Variants in LOXL2 observed in about 807,000 individuals in gnomAD.
The protein encoded by LOXL2 is lysyl oxidase homolog 2.
In LOXL2, 70 loss-of-function variants were observed where a neutral mutation model predicts 93.0. That is an observed-to-expected ratio of 0.75 (90% CI 0.62 to 0.92). The LOEUF is 0.92. LOXL2 is among the 40% of genes least tolerant of loss of function. LOXL2 has a pLI of 0.00. For missense variants in LOXL2, 973 were observed against 1,054.9 expected (o/e 0.92, Z 1.08); for synonymous variants, 438 against 413.2 (o/e 1.06, Z -0.73).
At chr8:23,381,734 G>C (rs1335957356) in intron 1 of LOXL2, among the ~76,000 whole-genome samples, 4 of 152,212 alleles carry the variant, frequency 2.6e-5, no homozygotes, top group African/African-American at 9.7e-5. Flanking sequence ...AGGAAACACT[G>C]CCAGGCTTTC....
intron 1 of LOXL2, among the ~76,000 whole-genome samples, chr8:23,381,442 C>T (rs1804679286): frequency 6.6e-6 from 1 of 152,190 alleles, no homozygotes; most frequent in Admixed American, 6.5e-5. Context: ...CCTCCACCAG[C>T]AGTATGTAGG....
chr8:23,402,971 G>A (rs1000506539), intron 1 of LOXL2, among the ~76,000 whole-genome samples: 3 of 151,880 alleles, frequency 2.0e-5, no homozygotes, highest in African/African-American at 4.8e-5. Flanking sequence ...CCCTCGCCCC[G>A]CTCCGCCCCG....
At chr8:23,392,925 A>G (rs2117237410) in intron 1 of LOXL2, among the ~76,000 whole-genome samples, 1 of 152,366 alleles carries the variant, frequency 6.6e-6, no homozygotes, top group South Asian at 2.1e-4. Flanking sequence ...TCACAATGAA[A>G]AATTCAAAAT....
At chr8:23,334,155 C>T (rs992055151) in intron 4 of LOXL2, among the ~76,000 whole-genome samples, 3 of 152,218 alleles carry the variant, frequency 2.0e-5, no homozygotes, top group African/African-American at 7.2e-5. Flanking sequence ...TCTGCAGCCT[C>T]AGCCTCCTGA....
At position 23,318,462 on chromosome 8, in the gene LOXL2, A is replaced by AC. The variant is rs1563188784; in HGVS notation, c.1471-1349_1471-1348insG. On this transcript the variant is annotated intron_variant, in intron 8 of 13. Coordinates refer to ENST00000389131, the MANE Select transcript of LOXL2 (RefSeq NM_002318.3). ...ACACACACACACACACACACACACA[A>AC]AAATACACATTCATACAACCTACTG... Among the ~76,000 whole-genome samples the AC allele has an allele frequency of 4.2e-3, 454 of 108,324 alleles. 2 individuals carry two copies. The highest frequency in any genetic ancestry group is 0.016 in the African/African-American group (331 of 20,572). 71.1% of individuals were successfully genotyped at this position (108,324 alleles called of 152,430 possible). A position where few individuals can be genotyped will look rare whatever the true frequency, so the allele number is the denominator to read the frequency against.
chr8:23,309,187 G>A (rs528711221), intron 10 of LOXL2, among the ~76,000 whole-genome samples: 131 of 152,142 alleles, frequency 8.6e-4, no homozygotes, highest in African/African-American at 3.1e-3. Flanking sequence ...GTTTCACCGT[G>A]TTAGCCAGAA....
intron 5 of LOXL2, 143 bp from the exon 6 acceptor site, chr8:23,328,708 G>GTTGTGTGTGTGT: frequency 4.7e-6 from 2 of 422,722 alleles, no homozygotes; most frequent in Non-Finnish European, 8.4e-6. Context: ...TTGATGTATG[G>GTTGTGTGTGTGT]ATGTGTGTGT....
chr8:23,319,885 C>G lies in LOXL2; in HGVS notation c.1470G>C (p.Gln490His). 1 of 1,613,168 alleles carries G rather than the reference C, an allele frequency of 6.2e-7. No individual in the cohort carries two copies. The highest frequency in any genetic ancestry group is 8.5e-7 in the Non-Finnish European group (1 of 1,179,810). Residue 490 changes from glutamine to histidine, a missense_variant and splice_region_variant, in exon 8 of 14, where the codon CAG (glutamine) becomes CAC (histidine). By Grantham distance (24) the Gln-to-His change is conservative. Coordinates refer to ENST00000389131, the MANE Select transcript of LOXL2 (RefSeq NM_002318.3). ...LGLGFASNAFQETWYWHGDVN... is the reference protein window; with the variant it reads ...LGLGFASNAFHETWYWHGDVN... ...GGGGTCTGAGGCCGGGGCTTCTCACCTGGAAGGCGTTGCTGGCGAATCCCA... is the reference window on the plus strand; with the variant it reads ...GGGGTCTGAGGCCGGGGCTTCTCACGTGGAAGGCGTTGCTGGCGAATCCCA...
chr8:23,380,209 A>G (rs890080025), intron 1 of LOXL2, among the ~76,000 whole-genome samples: 1 of 152,086 alleles, frequency 6.6e-6, no homozygotes, highest in African/African-American at 2.4e-5. Flanking sequence ...CCTGGCCAAC[A>G]TGGTGAAACT....
intron 3 of LOXL2, among the ~76,000 whole-genome samples, chr8:23,357,345 C>T (rs910085534): frequency 1.3e-5 from 2 of 152,152 alleles, no homozygotes; most frequent in East Asian, 1.9e-4. Flanking sequence ...CTGGGAATTA[C>T]GGGCATGAGC....
At chr8:23,382,957 A>G (rs1804701612) in intron 1 of LOXL2, among the ~76,000 whole-genome samples, 1 of 151,510 alleles carries the variant, frequency 6.6e-6, no homozygotes, top group Non-Finnish European at 1.5e-5. Context: ...CCTCAATTCC[A>G]TGTGTGTTTA....
At position 23,389,202 on chromosome 8, in the gene LOXL2, T is replaced by G. The variant is rs187735907; in HGVS notation, c.-84+14752A>C. 1.1e-3 allele frequency among the ~76,000 whole-genome samples: 165 copies of G among 152,132 alleles called. 1 individual carries two copies. Among genetic ancestry groups the G allele is most frequent in the Middle Eastern group, 6.8e-3 (2 of 294 alleles). ...TGTAAAACTGGCCTTTCTAGGGTCCTTTTCTTAGTGTCCTTTTCTTAGGCT... is the reference window on the plus strand; with the variant it reads ...TGTAAAACTGGCCTTTCTAGGGTCCGTTTCTTAGTGTCCTTTTCTTAGGCT... On this transcript the variant is annotated intron_variant, in intron 1 of 13. Coordinates refer to ENST00000389131, the MANE Select transcript of LOXL2 (RefSeq NM_002318.3).
At chr8:23,353,817 T>C (rs1485758300) in intron 3 of LOXL2, among the ~76,000 whole-genome samples, 1 of 152,210 alleles carries the variant, frequency 6.6e-6, no homozygotes, top group East Asian at 1.9e-4. Flanking sequence ...GAAGAAACCA[T>C]TGCCACTGAA....
intron 2 of LOXL2, among the ~76,000 whole-genome samples, chr8:23,361,874 A>G (rs1015986374): frequency 2.0e-5 from 3 of 151,962 alleles, no homozygotes; most frequent in African/African-American, 4.8e-5. Flanking sequence ...CAAACAAAAA[A>G]AACAGAAAAT....
chr8:23,360,065 G>A, intron 3 of LOXL2, 25 bp downstream of exon 3: 1 of 1,576,714 alleles, frequency 6.3e-7, no homozygotes, highest in African/African-American at 1.3e-5. Context: ...TTGCATGAAG[G>A]AAACATCAAG....
chr8:23,314,650 C>T (rs1448728321), intron 9 of LOXL2, among the ~76,000 whole-genome samples: 12 of 151,240 alleles, frequency 7.9e-5, no homozygotes, highest in East Asian at 7.8e-4. Flanking sequence ...TTGTGGGGTG[C>T]GGGGAGAGGG....
At chr8:23,374,813 A>G (rs190363494) in intron 1 of LOXL2, among the ~76,000 whole-genome samples, 1 of 152,044 alleles carries the variant, frequency 6.6e-6, no homozygotes, top group East Asian at 1.9e-4. Context: ...ATTTTCTTGT[A>G]AATTTGAGTT....
At chr8:23,355,216 A>T (rs1257954263) in intron 3 of LOXL2, among the ~76,000 whole-genome samples, 1 of 151,924 alleles carries the variant, frequency 6.6e-6, no homozygotes, top group Non-Finnish European at 1.5e-5. Flanking sequence ...AAGTGCTGGG[A>T]TTACAAGCGT....
At position 23,360,021 on chromosome 8, in the gene LOXL2, G is replaced by A. The variant is rs375239108; in HGVS notation, c.531+69C>T. On this transcript the variant is annotated intron_variant, in intron 3 of 13. Coordinates refer to ENST00000389131, the MANE Select transcript of LOXL2 (RefSeq NM_002318.3). Reference sequence around the variant, plus strand: ...CACACACACTTCTTGAAATCAATACGCAAAAAGCGAGTTGCATGGAAGAGG... The same window carrying A: ...CACACACACTTCTTGAAATCAATACACAAAAAGCGAGTTGCATGGAAGAGG... 3.2e-4 allele frequency: 453 copies of A among 1,420,364 alleles called. 3 individuals are homozygous for A. The East Asian group carries it at 6.0e-3, about 19-fold the overall frequency. 88.0% of individuals were successfully genotyped at this position (1,420,364 alleles called of 1,614,324 possible).
Sources: gnomAD v4.1 joint callset for allele counts (sites outside exome capture counted in the v4.1 genomes callset) on GRCh38, gnomAD v4.1.1 for gene constraint, MANE v1.5 for transcripts, NCBI Gene and HGNC (gene_info 2026-07-23, HGNC 2026-07-21) for gene names.